Variants in HFM1 observed in about 807,000 individuals in gnomAD.
HFM1 encodes the protein helicase for meiosis 1, also known as probable ATP-dependent DNA helicase HFM1.
Under a neutral mutation model 192.1 loss-of-function variants are expected in HFM1, and 169 were observed. The ratio of observed to expected loss-of-function variants is 0.88; its 90% CI spans 0.78 to 1.00. The LOEUF (loss-of-function observed/expected upper bound fraction) is 1.00. HFM1 is among the 50% of genes least tolerant of loss of function. The pLI, the probability that HFM1 is intolerant of heterozygous loss-of-function variation, is 0.00. For synonymous variants in HFM1, 525 were observed against 537.8 expected (o/e 0.98, Z 0.33); for missense variants, 1,661 against 1,668.0 (o/e 1.00, Z 0.07).
rs1239118881 is a variant in HFM1 at position 91,372,154 on chromosome 1, T to C, written c.1685+3204A>G. 2.0e-5 allele frequency among the ~76,000 whole-genome samples: 3 copies of C among 152,204 alleles called. No homozygotes were observed. The South Asian group carries it at 6.2e-4, about 32-fold the overall frequency. On this transcript the variant is annotated intron_variant, in intron 13 of 38. Coordinates refer to ENST00000370425, the MANE Select transcript of HFM1 (RefSeq NM_001017975.6). The stretch of plus-strand genomic sequence containing the variant: ...CACTGTTGGTGGGACTGTAAACTAG[T>C]TCAACCATTGTGGAAGTCATTGTGG...
At position 91,319,076 on chromosome 1, in the gene HFM1, A is replaced by G; in HGVS notation, c.2812+2T>C. ...AACTGCCTGCCTGTATTCAGTACCT[A>G]CCAATTTTTTCCAGTTGTTTGGATA... On this transcript the variant is annotated splice_donor_variant, in intron 25 of 38. Transcript: ENST00000370425. LOFTEE classifies it high-confidence loss of function. 1.3e-6 allele frequency: 2 copies of G among 1,588,106 alleles called. No individual in the cohort carries two copies. Among genetic ancestry groups the G allele is most frequent in the South Asian group, 2.3e-5 (2 of 85,468 alleles).
At chr1:91,329,324 C>A (rs1341435780) in intron 20 of HFM1, 4 of 1,606,038 alleles carry the variant, frequency 2.5e-6, no homozygotes, top group East Asian at 2.2e-5. Flanking sequence ...AAAAGCAGTT[C>A]TCTGAGGAGC....
chr1:91,361,679 G>A (rs1204606299), intron 13 of HFM1, among the ~76,000 whole-genome samples: 2 of 152,200 alleles, frequency 1.3e-5, no homozygotes. Context: ...CTGAAAAGGA[G>A]GGACTCCTCC....
At chr1:91,380,816 G>T in intron 7 of HFM1, 96 bp downstream of exon 7, 2 of 696,876 alleles carry the variant, frequency 2.9e-6, no homozygotes, top group Non-Finnish European at 5.1e-6. Context: ...GTGTGGCAGT[G>T]CAGACATAAA....
At chr1:91,347,399 A>T in intron 19 of HFM1, 30 bp downstream of exon 19, 1 of 1,314,384 alleles carries the variant, frequency 7.6e-7, no homozygotes, top group Admixed American at 2.0e-5. Flanking sequence ...AATATATAGA[A>T]TCTAATTTTT....
At chr1:91,285,416 G>A (rs188062823) in intron 30 of HFM1, among the ~76,000 whole-genome samples, 11 of 152,244 alleles carry the variant, frequency 7.2e-5, no homozygotes, top group Admixed American at 7.2e-4. Flanking sequence ...ATATCAGTTT[G>A]TATCATTTAA....
chr1:91,378,024 C>T lies in HFM1; in HGVS notation c.1395+1G>A. 2 of 1,609,924 alleles carry T rather than the reference C, an allele frequency of 1.2e-6. No homozygotes were observed. The highest frequency in any genetic ancestry group is 8.5e-7 in the Non-Finnish European group (1 of 1,177,562). Reference sequence around the variant, plus strand: ...AGAGCTCAGTTAAAATTGTAACTCACATCCTCAGCATTTGGAATTGTTGCA... The same window carrying T: ...AGAGCTCAGTTAAAATTGTAACTCATATCCTCAGCATTTGGAATTGTTGCA... On this transcript the variant is annotated splice_donor_variant, in intron 11 of 38. Coordinates refer to ENST00000370425, the MANE Select transcript of HFM1 (RefSeq NM_001017975.6). LOFTEE classifies it high-confidence loss of function.
At chr1:91,289,030 GC>G (rs1668372045) in intron 30 of HFM1, among the ~76,000 whole-genome samples, 1 of 151,462 alleles carries the variant, frequency 6.6e-6, no homozygotes, top group African/African-American at 2.4e-5. Context: ...GGATGGGGCA[GC>G]TGGCCGGGCG....
intron 1 of HFM1, 89 bp downstream of exon 1, chr1:91,404,709 C>T (rs1157127161): frequency 2.5e-6 from 1 of 398,620 alleles, no homozygotes; most frequent in Admixed American, 2.9e-5. Flanking sequence ...CGACCGCTGC[C>T]CGGACGGCTC....
intron 30 of HFM1, among the ~76,000 whole-genome samples, chr1:91,299,317 T>A (rs1648266273): frequency 6.6e-6 from 1 of 152,032 alleles, no homozygotes; most frequent in African/African-American, 2.4e-5. Context: ...AGACTTAGAC[T>A]CCCACACAAT....
At chr1:91,368,237 A>G (rs952459179) in intron 13 of HFM1, among the ~76,000 whole-genome samples, 2 of 152,222 alleles carry the variant, frequency 1.3e-5, no homozygotes, top group African/African-American at 4.8e-5. Context: ...AATTTAGGAA[A>G]TACAGAGAAC....
At chr1:91,364,630 ATATT>A (rs1344126207) in intron 13 of HFM1, among the ~76,000 whole-genome samples, 30 of 74,150 alleles carry the variant, frequency 4.0e-4, no homozygotes, top group Non-Finnish European at 5.1e-4. Flanking sequence ...ATATATATAT[ATATT>A]TTTTTTTTTT....
chr1:91,352,983 C>CT, intron 15 of HFM1, 68 bp downstream of exon 15: 1 of 1,034,150 alleles, frequency 9.7e-7, no homozygotes, highest in South Asian at 1.5e-5. Flanking sequence ...GCGCTTTTTC[C>CT]TTTTTTCCTC....
chr1:91,313,682 A>G (rs961078495), intron 29 of HFM1, among the ~76,000 whole-genome samples, 187 bp from the exon 30 acceptor site: 3 of 152,114 alleles, frequency 2.0e-5, no homozygotes, highest in Middle Eastern at 3.4e-3. Flanking sequence ...CATTATAAAA[A>G]TAAAAATCTT....
Position 91,400,995 on chromosome 1 carries a change from C to A in HFM1, c.71+17G>T. The A allele has an allele frequency of 7.5e-7, 1 of 1,341,834 alleles. No homozygotes were observed. Among genetic ancestry groups the A allele is most frequent in the Non-Finnish European group, 1.0e-6 (1 of 964,126 alleles). The allele number at this position is 1,341,834 out of a possible 1,614,324, so 83.1% of individuals were successfully genotyped here. A position where few individuals can be genotyped will look rare whatever the true frequency, so the allele number is the denominator to read the frequency against. On this transcript the variant is annotated intron_variant, in intron 2 of 38. Transcript: ENST00000370425. Reference sequence around the variant, plus strand: ...TAAAGTAATATACTATGCTATCAATCTTTAAGGGAGACTTACTTTTCAACT... The same window carrying A: ...TAAAGTAATATACTATGCTATCAATATTTAAGGGAGACTTACTTTTCAACT...
intron 23 of HFM1, among the ~76,000 whole-genome samples, chr1:91,321,260 A>G (rs1246742758): frequency 1.3e-5 from 2 of 152,184 alleles, no homozygotes; most frequent in African/African-American, 4.8e-5. Flanking sequence ...ACTGGCCAAC[A>G]TGGTGAAACC....
chr1:91,349,201 T>C (rs1217069578), intron 18 of HFM1, among the ~76,000 whole-genome samples: 4 of 151,882 alleles, frequency 2.6e-5, no homozygotes, highest in African/African-American at 9.7e-5. Flanking sequence ...AGGCAGAGAA[T>C]TGCTTGAACC....
At chr1:91,376,707 T>G (rs1660952726) in intron 11 of HFM1, among the ~76,000 whole-genome samples, 5 of 151,826 alleles carry the variant, frequency 3.3e-5, no homozygotes, top group Admixed American at 3.3e-4. Flanking sequence ...AGTAAAAAAT[T>G]TTTAAATGAG....
At chr1:91,284,727 T>G (rs1667780776) in intron 30 of HFM1, among the ~76,000 whole-genome samples, 1 of 152,230 alleles carries the variant, frequency 6.6e-6, no homozygotes, top group Admixed American at 6.5e-5. Flanking sequence ...ATTTTTTAAT[T>G]TTTGTTTTTA....
Sources: allele counts gnomAD v4.1 joint callset (sites outside exome capture counted in the v4.1 genomes callset), GRCh38; gene constraint gnomAD v4.1.1; transcripts MANE v1.5; gene names NCBI Gene and HGNC (gene_info 2026-07-23, HGNC 2026-07-21).